Variants in UBE2K observed in about 807,000 individuals in gnomAD.
UBE2K encodes the protein ubiquitin conjugating enzyme E2 K.
Under a neutral mutation model 30.0 loss-of-function variants are expected in UBE2K, and 6 were observed. That is an observed-to-expected ratio of 0.20 (90% confidence interval 0.11 to 0.39). The LOEUF (loss-of-function observed/expected upper bound fraction) is 0.39, where lower values mean the gene tolerates loss of function less well. Among genes scored for constraint, UBE2K ranks in the 10% least tolerant of loss-of-function variants. The pLI, the probability that UBE2K is intolerant of heterozygous loss-of-function variation, is 1.00. For synonymous variants in UBE2K, 86 were observed against 83.7 expected (o/e 1.03, Z -0.15); for missense variants, 61 against 241.6 (o/e 0.25, Z 4.96).
At chr4:39,714,552 T>TATATATA (rs1560343937) in intron 1 of UBE2K, 1 of 58,036 alleles carries the variant, frequency 1.7e-5, no homozygotes, top group African/African-American at 1.0e-4. Context: ...ATATATATAT[T>TATATATA]TTTTTTTTTT....
intron 1 of UBE2K, among the ~76,000 whole-genome samples, chr4:39,704,005 G>A (rs1231884566): frequency 1.3e-5 from 2 of 151,950 alleles, no homozygotes; most frequent in Non-Finnish European, 2.9e-5. Flanking sequence ...CCCGTTTTTA[G>A]TGTTTTTCTT....
intron 4 of UBE2K, among the ~76,000 whole-genome samples, chr4:39,762,817 T>G (rs572308114): frequency 7.9e-5 from 12 of 151,850 alleles, no homozygotes; most frequent in Non-Finnish European, 1.5e-4. Flanking sequence ...GTATTTTTAG[T>G]GAGATGGTGT....
intron 4 of UBE2K, chr4:39,770,088 A>G: frequency 1.3e-6 from 2 of 1,554,540 alleles, no homozygotes; most frequent in Non-Finnish European, 1.7e-6. Flanking sequence ...CGGCTAGCGG[A>G]TGAGGACATT....
At chr4:39,728,884 G>T (rs1719915555) in intron 1 of UBE2K, among the ~76,000 whole-genome samples, 1 of 149,808 alleles carries the variant, frequency 6.7e-6, no homozygotes, top group Non-Finnish European at 1.5e-5. Context: ...AGCCAGGATG[G>T]TCTCCATCTT....
At chr4:39,707,991 G>A (rs895476883) in intron 1 of UBE2K, among the ~76,000 whole-genome samples, 5 of 151,950 alleles carry the variant, frequency 3.3e-5, no homozygotes, top group African/African-American at 1.2e-4. Context: ...CTGCCTCCCG[G>A]GTTCAAGCGA....
At chr4:39,705,203 T>G (rs1578413213) in intron 1 of UBE2K, among the ~76,000 whole-genome samples, 1 of 147,568 alleles carries the variant, frequency 6.8e-6, no homozygotes, top group East Asian at 2.0e-4. Context: ...GGTTTTTTTT[T>G]TTTTTTTTTT....
intron 1 of UBE2K, among the ~76,000 whole-genome samples, chr4:39,737,085 A>C (rs1720419379): frequency 6.6e-6 from 1 of 152,200 alleles, no homozygotes; most frequent in Non-Finnish European, 1.5e-5. Context: ...GTGGATGATT[A>C]GATTTATCGC....
intron 1 of UBE2K, among the ~76,000 whole-genome samples, chr4:39,717,931 T>C (rs985292918): frequency 4.8e-5 from 7 of 147,200 alleles, no homozygotes; most frequent in African/African-American, 1.9e-4. Flanking sequence ...GTGGTTTCGC[T>C]GGCTTCAGGA....
At chr4:39,744,796 A>G (rs1003190854) in intron 2 of UBE2K, among the ~76,000 whole-genome samples, 12 of 151,502 alleles carry the variant, frequency 7.9e-5, no homozygotes, top group African/African-American at 2.9e-4. Context: ...AGTCTCAGCT[A>G]CTTGGGAGGC....
At chr4:39,709,681 A>G (rs753384726) in intron 1 of UBE2K, among the ~76,000 whole-genome samples, 3 of 152,092 alleles carry the variant, frequency 2.0e-5, no homozygotes, top group African/African-American at 7.2e-5. Context: ...AAGAGGGGAT[A>G]TATTAATACA....
chr4:39,713,243 A>G (rs1030336578), intron 1 of UBE2K, among the ~76,000 whole-genome samples: 1 of 148,432 alleles, frequency 6.7e-6, no homozygotes, highest in African/African-American at 2.5e-5. Flanking sequence ...ATCTCAAAAA[A>G]GAAAATTAGG....
intron 2 of UBE2K, among the ~76,000 whole-genome samples, chr4:39,740,884 A>T (rs1184008821): frequency 6.1e-5 from 9 of 147,460 alleles, no homozygotes; most frequent in African/African-American, 1.2e-4. Flanking sequence ...AAAAAAAAAG[A>T]TATATTCTTT....
Position 39,713,566 on chromosome 4 carries a change from T to C in UBE2K, c.63+15176T>C, listed in dbSNP as rs891930658. Among the ~76,000 whole-genome samples the C allele has an allele frequency of 2.0e-5, 3 of 151,822 alleles. No individual in the cohort carries two copies. The East Asian group carries it at 5.8e-4, about 29-fold the overall frequency. On this transcript the variant is annotated intron_variant, in intron 1 of 6. Coordinates refer to ENST00000261427, the MANE Select transcript of UBE2K (RefSeq NM_005339.5). The stretch of plus-strand genomic sequence containing the variant: ...TTTTATGCTTTTTTTTAAGTTGTAG[T>C]AAAATACACATAACATAAAATTTAT...
intron 1 of UBE2K, chr4:39,714,541 T>C (rs1163987656): frequency 1.9e-5 from 1 of 53,864 alleles, no homozygotes. Context: ...TATATATATA[T>C]ATATATATAT....
chr4:39,759,561 G>A (rs534791764), intron 4 of UBE2K, among the ~76,000 whole-genome samples: 54 of 152,308 alleles, frequency 3.5e-4, no homozygotes, highest in African/African-American at 1.3e-3. Flanking sequence ...TGCAATGACA[G>A]GCGTGAGCCA....
chr4:39,772,571 CAAAAAAAG>C (rs1258291276), intron 4 of UBE2K, among the ~76,000 whole-genome samples: 3 of 96,034 alleles, frequency 3.1e-5, no homozygotes, highest in Non-Finnish European at 6.9e-5. Flanking sequence ...GACCCTATCT[CAAAAAAAG>C]AAAAAAAGAA....
At position 39,762,936 on chromosome 4, in the gene UBE2K, C is replaced by CTTT. The variant is rs869207095; in HGVS notation, c.299+7222_299+7224dup. ...GAGCCACGCACCCGGCCAAAAAACA[C>CTTT]TTTTTTTTTTTTTTTTTTTTTTTTT... On this transcript the variant is annotated intron_variant, in intron 4 of 6. Coordinates refer to ENST00000261427, the MANE Select transcript of UBE2K (RefSeq NM_005339.5). Among the ~76,000 whole-genome samples the CTTT allele has an allele frequency of 6.4e-4, 50 of 78,698 alleles. 1 individual carries two copies. Among genetic ancestry groups the CTTT allele is most frequent in the East Asian group, 1.1e-3 (2 of 1,836 alleles). The allele number at this position is 78,698 out of a possible 152,430, so 51.6% of individuals were successfully genotyped here.
chr4:39,748,851 A>G (rs1053791151), intron 3 of UBE2K, among the ~76,000 whole-genome samples: 4 of 152,218 alleles, frequency 2.6e-5, no homozygotes, highest in African/African-American at 9.6e-5. Context: ...AGAAAATGTT[A>G]TATACCCTAC....
intron 2 of UBE2K, among the ~76,000 whole-genome samples, chr4:39,744,750 C>CA (rs1400074360): frequency 6.7e-6 from 1 of 150,266 alleles, no homozygotes; most frequent in Non-Finnish European, 1.5e-5. Flanking sequence ...ACTAAAAACA[C>CA]AAAAAAATTA....
Sources: gnomAD v4.1 joint callset for allele counts (sites outside exome capture counted in the v4.1 genomes callset) on GRCh38, gnomAD v4.1.1 for gene constraint, MANE v1.5 for transcripts, NCBI Gene and HGNC (gene_info 2026-07-23, HGNC 2026-07-21) for gene names.